Variants in INPP1 observed in about 807,000 individuals in gnomAD.
INPP1 encodes inositol polyphosphate-1-phosphatase, also known as inositol polyphosphate 1-phosphatase.
A neutral mutation model predicts 23.0 loss-of-function variants in INPP1; 18 were observed. The ratio of observed to expected loss-of-function variants is 0.78; its 90% CI spans 0.54 to 1.16. The LOEUF is 1.16. Among genes scored for constraint, INPP1 ranks in the 50% most tolerant of loss-of-function variants. The probability of loss-of-function intolerance (pLI) is 0.00; values close to 1 mark genes in which losing one functional copy is unlikely to be tolerated. For synonymous variants in INPP1, 164 were observed against 176.3 expected (o/e 0.93, Z 0.55); for missense variants, 448 against 482.1 (o/e 0.93, Z 0.66).
At chr2:190,359,054 C>T (rs1372125120) in intron 2 of INPP1, among the ~76,000 whole-genome samples, 1 of 152,072 alleles carries the variant, frequency 6.6e-6, no homozygotes, top group Non-Finnish European at 1.5e-5. Context: ...AGTCCCAGCA[C>T]TTTGGGAGGC....
rs545331765 is a variant in INPP1 at position 190,346,457 on chromosome 2, C to T, written c.-208-2431C>T. On this transcript the variant is annotated intron_variant, in intron 1 of 6. Coordinates refer to ENST00000392329, the MANE Select transcript of INPP1 (RefSeq NM_001128928.2). The surrounding 1 kb of genome is among the most constrained non-coding windows in gnomAD (Gnocchi z 5.1). ...GCTTCTGCTGATCAAATTTAGCAAACATATTTTTGCATGTTTAGTCTTTTT... is the reference window on the plus strand; with the variant it reads ...GCTTCTGCTGATCAAATTTAGCAAATATATTTTTGCATGTTTAGTCTTTTT... 5.8e-4 allele frequency among the ~76,000 whole-genome samples: 89 copies of T among 152,228 alleles called. No homozygotes were observed. The highest frequency in any genetic ancestry group is 2.0e-3 in the African/African-American group (83 of 41,534).
At position 190,369,100 on chromosome 2, in the gene INPP1, C is replaced by T. The variant is rs771877889; in HGVS notation, c.467-3C>T. On this transcript the variant is annotated splice_polypyrimidine_tract_variant and splice_region_variant and intron_variant, in intron 5 of 6. Coordinates refer to ENST00000392329, the MANE Select transcript of INPP1 (RefSeq NM_001128928.2). ...ATCCAAACACATTTGTTTCCTTTTT[C>T]AGATTCAACTTATCAGTATATAAAA... 1.0e-5 allele frequency: 16 copies of T among 1,541,574 alleles called. No individual in the cohort carries two copies. Among genetic ancestry groups the T allele is most frequent in the Non-Finnish European group, 9.7e-6 (11 of 1,133,508 alleles).
intron 4 of INPP1, among the ~76,000 whole-genome samples, chr2:190,365,922 TCTCA>T (rs1575791329): frequency 6.6e-6 from 1 of 151,906 alleles, no homozygotes; most frequent in Non-Finnish European, 1.5e-5. Context: ...TCTTGCTCTG[TCTCA>T]CTGTCTCTCG....
Position 190,354,183 on chromosome 2 carries a change from G to A in INPP1, c.-65+5152G>A, listed in dbSNP as rs984584489. Among the ~76,000 whole-genome samples the A allele has an allele frequency of 2.0e-5, 3 of 152,184 alleles. No individual in the cohort carries two copies. Among genetic ancestry groups the A allele is most frequent in the African/African-American group, 4.8e-5 (2 of 41,440 alleles). On this transcript the variant is annotated intron_variant, in intron 2 of 6. Coordinates refer to ENST00000392329, the MANE Select transcript of INPP1 (RefSeq NM_001128928.2). This position sits in a 1 kb window ranked among gnomAD's most constrained non-coding sequence, Gnocchi z 4.8. ...ATATTAATTACTTGGCTGTTAAAGC[G>A]AATAGCTTTTAGTGGGAACGACTGC... is the stretch of plus-strand genomic sequence containing the variant.
intron 2 of INPP1, chr2:190,359,753 T>G (rs527471730): frequency 7.3e-6 from 2 of 275,050 alleles, no homozygotes; most frequent in East Asian, 1.8e-4. Context: ...TCCATCTGCC[T>G]GTCTCTCTAG....
rs190116336 is a variant in INPP1, at chr2:190,359,311, C to G, written c.-64-728C>G. 1.5e-4 allele frequency among the ~76,000 whole-genome samples: 23 copies of G among 151,086 alleles called. No homozygotes were observed. In the East Asian group the frequency reaches 4.3e-3, roughly 28 times the overall value. On this transcript the variant is annotated intron_variant, in intron 2 of 6. Coordinates refer to ENST00000392329, the MANE Select transcript of INPP1 (RefSeq NM_001128928.2). ...TGAGACCCTGTCTCAAAAACAAAAA[C>G]AGCAAAAAAGGTGCTAGCTGGTCTG...
At position 190,354,191 on chromosome 2, in the gene INPP1, T is replaced by C. The variant is rs2015744; in HGVS notation, c.-65+5160T>C. 0.6 allele frequency among the ~76,000 whole-genome samples: 91,092 copies of C among 152,064 alleles called. 28,966 individuals carry two copies. Among genetic ancestry groups the C allele is most frequent in the South Asian group, 0.72 (3,492 of 4,820 alleles). On this transcript the variant is annotated intron_variant, in intron 2 of 6. Coordinates refer to ENST00000392329, the MANE Select transcript of INPP1 (RefSeq NM_001128928.2). This position sits in a 1 kb window ranked among gnomAD's most constrained non-coding sequence, Gnocchi z 4.8. The stretch of plus-strand genomic sequence containing the variant: ...TACTTGGCTGTTAAAGCGAATAGCT[T>C]TTAGTGGGAACGACTGCCTCACAGA...
rs1689708362 is a variant in INPP1 at position 190,367,696 on chromosome 2, A to G, written c.466+801A>G. Among the ~76,000 whole-genome samples, 1 of 152,138 alleles carries G rather than the reference A, an allele frequency of 6.6e-6. No homozygotes were observed. Among genetic ancestry groups the G allele is most frequent in the Admixed American group, 6.5e-5 (1 of 15,276 alleles). ...CTTCCCAAGTAGCTGGGACCCAAGT[A>G]GGTGGCAGAGTTGCATGCCACCTCA... is the stretch of plus-strand genomic sequence containing the variant. On this transcript the variant is annotated intron_variant, in intron 5 of 6. Transcript: ENST00000392329. This position sits in a 1 kb window ranked among gnomAD's most constrained non-coding sequence, Gnocchi z 4.1.
intron 2 of INPP1, among the ~76,000 whole-genome samples, chr2:190,357,031 G>T (rs1355502086): frequency 2.0e-5 from 3 of 152,132 alleles, no homozygotes; most frequent in Non-Finnish European, 4.4e-5. Context: ...GCAACGTGCC[G>T]CAGCTTTATT....
At chr2:190,353,031 C>T (rs527785212) in intron 2 of INPP1, among the ~76,000 whole-genome samples, 3 of 152,234 alleles carry the variant, frequency 2.0e-5, no homozygotes, top group African/African-American at 7.2e-5. Context: ...AATTATCTGC[C>T]GGAAGAGGGA....
At chr2:190,349,689 C>T (rs986489437) in intron 2 of INPP1, among the ~76,000 whole-genome samples, 3 of 151,998 alleles carry the variant, frequency 2.0e-5, no homozygotes, top group Non-Finnish European at 4.4e-5. Context: ...GTTCTAAAAA[C>T]ATCTCTTAGC....
chr2:190,370,958 T>C lies in INPP1; in HGVS notation c.756T>C (p.Ser252=). 6.2e-7 allele frequency: 1 copy of C among 1,614,200 alleles called. No individual in the cohort carries two copies. Residue 252 remains serine, a synonymous_variant, in exon 7 of 7, where the codon TCT becomes TCC. Coordinates refer to ENST00000392329, the MANE Select transcript of INPP1 (RefSeq NM_001128928.2). ...GSETHTGNTG[S]EAAFSPSFSA... ...AAACACACACTGGAAACACCGGCTCTGAGGCAGCATTCTCCCCCAGTTTTT... is the reference window on the plus strand; with the variant it reads ...AAACACACACTGGAAACACCGGCTCCGAGGCAGCATTCTCCCCCAGTTTTT...
intron 4 of INPP1, among the ~76,000 whole-genome samples, chr2:190,364,300 G>A (rs1689592587): frequency 6.6e-6 from 1 of 152,080 alleles, no homozygotes; most frequent in Non-Finnish European, 1.5e-5. Flanking sequence ...AGCACTTTGG[G>A]AGGCCAGGGC....
At chr2:190,359,062 G>C (rs1156785098) in intron 2 of INPP1, among the ~76,000 whole-genome samples, 1 of 152,154 alleles carries the variant, frequency 6.6e-6, no homozygotes, top group Non-Finnish European at 1.5e-5. Flanking sequence ...CACTTTGGGA[G>C]GCCGAGGTAG....
In INPP1 at chr2:190,360,176, A is replaced by T. The variant is rs755622608; in HGVS notation, c.74A>T (p.Gln25Leu). The change falls in exon 3 of 7, where the codon CAG (glutamine) becomes CTG (leucine). Residue 25 changes from glutamine (Q) to leucine (L), a missense_variant. Gln to Leu is a moderately radical substitution (Grantham distance 113). Coordinates refer to ENST00000392329, the MANE Select transcript of INPP1 (RefSeq NM_001128928.2). Reference protein sequence around the residue: ...AANIARACRQQEALFQLLIEE... With the variant: ...AANIARACRQLEALFQLLIEE... Reference sequence around the variant, plus strand: ...AACATTGCCCGGGCGTGCAGACAGCAGGAAGCCCTCTTCCAGCTGCTGATC... The same window carrying T: ...AACATTGCCCGGGCGTGCAGACAGCTGGAAGCCCTCTTCCAGCTGCTGATC... The T allele has an allele frequency of 6.2e-7, 1 of 1,614,182 alleles. No homozygotes were observed. Among genetic ancestry groups the T allele is most frequent in the Non-Finnish European group, 8.5e-7 (1 of 1,180,016 alleles).
At chr2:190,364,093 T>G (rs1010715801) in intron 4 of INPP1, among the ~76,000 whole-genome samples, 10 of 152,238 alleles carry the variant, frequency 6.6e-5, no homozygotes, top group Admixed American at 3.9e-4. Context: ...TTAGCTTTAT[T>G]ATTCCCCAAC....
At chr2:190,366,309 C>G (rs1470101443) in intron 4 of INPP1, among the ~76,000 whole-genome samples, 1 of 147,306 alleles carries the variant, frequency 6.8e-6, no homozygotes. Context: ...CTCGCTCTGT[C>G]TCACTCTCTC....
chr2:190,366,050 GCTCT>G (rs575140325), intron 4 of INPP1, among the ~76,000 whole-genome samples: 11 of 58,218 alleles, frequency 1.9e-4, no homozygotes, highest in South Asian at 5.3e-4. Flanking sequence ...TCACTCTTTT[GCTCT>G]CTCTGTCTCT....
In INPP1 at chr2:190,366,713, G is replaced by A. The variant is rs1371433689; in HGVS notation, c.284G>A (p.Arg95Lys). The A allele has an allele frequency of 5.0e-6, 8 of 1,612,578 alleles. No individual in the cohort carries two copies. Among genetic ancestry groups the A allele is most frequent in the African/African-American group, 1.3e-5 (1 of 74,864 alleles). Residue 95 changes from arginine (R) to lysine (K), a missense_variant, in exon 5 of 7, where the codon AGG (arginine) becomes AAG (lysine). Arg to Lys is a conservative substitution (Grantham distance 26, BLOSUM62 2). Coordinates refer to ENST00000392329, the MANE Select transcript of INPP1 (RefSeq NM_001128928.2). ...TNDWGEKITLRLCSTEEETAE... is the reference protein window; with the variant it reads ...TNDWGEKITLKLCSTEEETAE... ...ACCCTAGGGGAAAAGATTACCTTGA[G>A]GTTGTGTTCAACAGAGGAGGAAACA...
Sources: allele counts gnomAD v4.1 joint callset (sites outside exome capture counted in the v4.1 genomes callset), GRCh38; gene constraint gnomAD v4.1.1; non-coding constraint Gnocchi (gnomAD v3.1); transcripts MANE v1.5; gene names NCBI Gene and HGNC (gene_info 2026-07-23, HGNC 2026-07-21).